Variants in ARAP2 observed in about 807,000 individuals in gnomAD.
ARAP2 encodes the protein arf-GAP with Rho-GAP domain, ANK repeat and PH domain-containing protein 2.
A neutral mutation model predicts 194.5 loss-of-function variants in ARAP2; 148 were observed. The observed-to-expected ratio is 0.76, with a 90% CI of 0.67 to 0.87. The LOEUF is 0.87. ARAP2 is among the 40% of genes least tolerant of loss of function. The pLI is 0.00. For missense variants in ARAP2, 2,128 were observed against 1,989.7 expected (o/e 1.07, Z -1.32); for synonymous variants, 695 against 683.5 (o/e 1.02, Z -0.26).
At chr4:36,200,073 A>G (rs976875082) in intron 6 of ARAP2, among the ~76,000 whole-genome samples, 39 of 152,210 alleles carry the variant, frequency 2.6e-4, no homozygotes, top group African/African-American at 9.2e-4. Flanking sequence ...TAACCAATTT[A>G]TTTTTAAACC....
At chr4:36,149,312 C>A (rs2109713907) in intron 16 of ARAP2, among the ~76,000 whole-genome samples, 1 of 73,882 alleles carries the variant, frequency 1.4e-5, no homozygotes, top group Middle Eastern at 8.8e-3. Context: ...AACTCTTGTC[C>A]AGTCAGTCAT....
At chr4:36,196,179 A>T (rs1423917002) in intron 6 of ARAP2, among the ~76,000 whole-genome samples, 1 of 152,254 alleles carries the variant, frequency 6.6e-6, no homozygotes, top group Non-Finnish European at 1.5e-5. Context: ...CACATGTCTT[A>T]CTTAAGATTA....
chr4:36,038,136 A>G (rs1370198447), intron 5 of ARAP2, among the ~76,000 whole-genome samples: 1 of 152,142 alleles, frequency 6.6e-6, no homozygotes, highest in Non-Finnish European at 1.5e-5. Context: ...GACAACCACT[A>G]ATACCTTAGA....
chr4:36,068,277 C>T lies in ARAP2; in HGVS notation c.4745G>A (p.Ser1582Asn), dbSNP rs370678975. 24 of 1,520,408 alleles carry T rather than the reference C, an allele frequency of 1.6e-5. No individual in the cohort carries two copies. The highest frequency in any genetic ancestry group is 2.1e-5 in the Non-Finnish European group (24 of 1,136,312). The allele number at this position is 1,520,408 out of a possible 1,614,324, so 94.2% of individuals were successfully genotyped here. ...NATLARKNIESARAELERLRL... is the reference protein window; with the variant it reads ...NATLARKNIENARAELERLRL... ...CAGCCTTTCAAGTTCTGCTCTTGCACTCTAAAAATAAAATTAAATGTCTCA... is the reference window on the plus strand; with the variant it reads ...CAGCCTTTCAAGTTCTGCTCTTGCATTCTAAAAATAAAATTAAATGTCTCA... Residue 1582 changes from serine (S) to asparagine (N), a missense_variant and splice_region_variant, in exon 33 of 33, where the codon AGT (serine) becomes AAT (asparagine). Ser to Asn is a conservative substitution (Grantham distance 46, BLOSUM62 1). Coordinates refer to ENST00000303965, the MANE Select transcript of ARAP2 (RefSeq NM_015230.4).
chr4:36,158,919 T>C, intron 14 of ARAP2, 55 bp from the exon 15 acceptor site: 1 of 1,512,450 alleles, frequency 6.6e-7, no homozygotes, highest in Non-Finnish European at 8.9e-7. Context: ...ACAATTTTCC[T>C]TTTGTTTATA....
At chr4:36,065,913 A>C (rs924001626), downstream of ARAP2, 5 of 152,224 alleles carry the variant, frequency 3.3e-5, no homozygotes, top group Non-Finnish European at 1.5e-5. Context: ...ATTAAATTCA[A>C]ATTTTTTTAA....
At chr4:36,230,698 T>C (rs1751281532) in intron 1 of ARAP2, among the ~76,000 whole-genome samples, 2 of 152,156 alleles carry the variant, frequency 1.3e-5, no homozygotes, top group Non-Finnish European at 2.9e-5. Flanking sequence ...AGAGCAGGCA[T>C]GACACACATA....
At chr4:36,092,324 T>G (rs4833083) in intron 27 of ARAP2, among the ~76,000 whole-genome samples, 57,317 of 152,106 alleles carry the variant, frequency 0.38, 11,148 homozygotes, top group South Asian at 0.44. Context: ...AAAAAATATA[T>G]ATCGGCTGGG....
At chr4:36,234,474 G>A (rs545758973) in intron 1 of ARAP2, among the ~76,000 whole-genome samples, 1 of 152,094 alleles carries the variant, frequency 6.6e-6, no homozygotes, top group African/African-American at 2.4e-5. Flanking sequence ...ATCGGGAGCG[G>A]GGGGTGGGGG....
chr4:36,222,269 T>G (rs886964468), intron 2 of ARAP2, among the ~76,000 whole-genome samples: 1 of 152,094 alleles, frequency 6.6e-6, no homozygotes, highest in African/African-American at 2.4e-5. Flanking sequence ...GGCAGTGGCC[T>G]ACATAATATA....
chr4:36,065,305 C>T, downstream of ARAP2: 1 of 479,600 alleles, frequency 2.1e-6, no homozygotes. Context: ...CTCATGGCTG[C>T]AGCTACAGCA....
At chr4:36,006,582 T>G (rs541778192) in intron 10 of ARAP2, 11 of 152,284 alleles carry the variant, frequency 7.2e-5, no homozygotes, top group Non-Finnish European at 1.3e-4. Flanking sequence ...ACAATTTGAG[T>G]ATATTATGGC....
intron 16 of ARAP2, among the ~76,000 whole-genome samples, chr4:36,150,067 G>A (rs971263156): frequency 2.6e-5 from 4 of 152,180 alleles, no homozygotes; most frequent in African/African-American, 9.7e-5. Flanking sequence ...CATAGTAGAT[G>A]TGAGTCAAAT....
intron 16 of ARAP2, among the ~76,000 whole-genome samples, chr4:36,150,622 T>C (rs987022969): frequency 2.0e-5 from 3 of 151,444 alleles, no homozygotes; most frequent in Non-Finnish European, 2.9e-5. Flanking sequence ...GTCTGGGTGA[T>C]AGAGCGAGAC....
chr4:36,093,006 C>A (rs148935593), intron 27 of ARAP2, among the ~76,000 whole-genome samples: 314 of 152,178 alleles, frequency 2.1e-3, no homozygotes, highest in African/African-American at 7.4e-3. Flanking sequence ...ACATTTACAT[C>A]ATGGAGTATT....
intron 5 of ARAP2, among the ~76,000 whole-genome samples, chr4:36,030,735 T>A (rs1341395721): frequency 6.6e-6 from 1 of 151,918 alleles, no homozygotes; most frequent in African/African-American, 2.4e-5. Flanking sequence ...TTGCTATGAC[T>A]ACTTTGTCTT....
intron 21 of ARAP2, among the ~76,000 whole-genome samples, chr4:36,125,433 C>T (rs1368678245): frequency 6.6e-6 from 1 of 151,878 alleles, no homozygotes; most frequent in Non-Finnish European, 1.5e-5. Context: ...TTATAAAAAT[C>T]TTTCCAAAGC....
intron 16 of ARAP2, among the ~76,000 whole-genome samples, 181 bp from the exon 17 acceptor site, chr4:36,148,688 G>A (rs565381310): frequency 1.3e-5 from 2 of 152,224 alleles, no homozygotes; most frequent in South Asian, 4.1e-4. Context: ...GAACACACTG[G>A]ATTGGACAAA....
intron 5 of ARAP2, among the ~76,000 whole-genome samples, chr4:36,031,006 T>C (rs1283036999): frequency 6.6e-6 from 1 of 152,136 alleles, no homozygotes; most frequent in Non-Finnish European, 1.5e-5. Context: ...GGCACACGCC[T>C]GTAGTCCCAG....
Sources: gnomAD v4.1 joint callset for allele counts (sites outside exome capture counted in the v4.1 genomes callset) on GRCh38, gnomAD v4.1.1 for gene constraint, MANE v1.5 for transcripts, NCBI Gene and HGNC (gene_info 2026-07-23, HGNC 2026-07-21) for gene names.